ROBO2: variants seen among roughly 807,000 people sequenced by gnomAD.
The protein encoded by ROBO2 is roundabout homolog 2.
A neutral mutation model predicts 160.8 loss-of-function variants in ROBO2; 53 were observed. The observed-to-expected ratio is 0.33, with a 90% confidence interval of 0.26 to 0.41. ROBO2 has a LOEUF of 0.41. Ranked by LOEUF, ROBO2 falls within the 10% of genes least tolerant of loss-of-function variation. ROBO2 has a pLI of 1.00. For missense variants in ROBO2, 1,577 were observed against 1,722.4 expected (o/e 0.92, Z 1.49); for synonymous variants, 664 against 611.7 (o/e 1.09, Z -1.26).
chr3:77,626,211 T>C (rs2095021862), intron 23 of ROBO2, among the ~76,000 whole-genome samples: 1 of 152,200 alleles, frequency 6.6e-6, no homozygotes, highest in South Asian at 2.1e-4. Flanking sequence ...CAACATATAA[T>C]TTTCTCTCTC....
At chr3:77,589,580 G>C (rs1182438742) in intron 17 of ROBO2, among the ~76,000 whole-genome samples, 1 of 152,062 alleles carries the variant, frequency 6.6e-6, no homozygotes, top group Admixed American at 6.6e-5. Flanking sequence ...ACCCTAGATG[G>C]TCTACATCTT....
At chr3:77,631,126 G>A (rs1022004548) in intron 23 of ROBO2, 1 of 151,634 alleles carries the variant, frequency 6.6e-6, no homozygotes, top group African/African-American at 2.4e-5. Context: ...CTGTGTCAAG[G>A]GAATTTGTTT....
chr3:76,691,730 G>A lies in ROBO2; in HGVS notation c.110-406284G>A, dbSNP rs77873210. Among the ~76,000 whole-genome samples, 254 of 152,220 alleles carry A rather than the reference G, an allele frequency of 1.7e-3. 11 individuals carry two copies. The South Asian group carries it at 0.034, about 21-fold the overall frequency. ...ATAAACAGAGAGAACAGAGTGACTT[G>A]CAGGTTGAAAGCAGGATCTAGAGTG... On this transcript the variant is annotated intron_variant, in intron 2 of 26. Coordinates refer to the ROBO2 transcript ENST00000487694.
intron 2 of ROBO2, among the ~76,000 whole-genome samples, chr3:77,012,731 T>C (rs1234876956): frequency 3.9e-5 from 6 of 152,200 alleles, no homozygotes; most frequent in African/African-American, 1.4e-4. Context: ...AAATTCAGGT[T>C]GTCAGACCCT....
intron 2 of ROBO2, among the ~76,000 whole-genome samples, chr3:76,135,732 T>G (rs1349716588): frequency 6.6e-6 from 1 of 152,186 alleles, no homozygotes; most frequent in East Asian, 1.9e-4. Context: ...TCAGGTCTCA[T>G]GACTTCAAAT....
chr3:76,863,043 C>T (rs1193845261), intron 2 of ROBO2, among the ~76,000 whole-genome samples: 5 of 152,046 alleles, frequency 3.3e-5, no homozygotes, highest in African/African-American at 7.2e-5. Flanking sequence ...AAAATCCTTC[C>T]TTAAATCTTT....
intron 2 of ROBO2, among the ~76,000 whole-genome samples, chr3:76,145,255 T>C (rs1355849712): frequency 6.6e-6 from 1 of 152,068 alleles, no homozygotes; most frequent in Non-Finnish European, 1.5e-5. Flanking sequence ...ATTTCTAAGC[T>C]CTGATAAATC....
chr3:77,018,968 C>T (rs2149495761), intron 2 of ROBO2, among the ~76,000 whole-genome samples: 1 of 152,224 alleles, frequency 6.6e-6, no homozygotes, highest in South Asian at 2.1e-4. Flanking sequence ...GAAAAAACAG[C>T]CCTCCCTGTC....
At chr3:76,321,242 G>C (rs1327318548) in intron 2 of ROBO2, among the ~76,000 whole-genome samples, 1 of 152,130 alleles carries the variant, frequency 6.6e-6, no homozygotes, top group African/African-American at 2.4e-5. Flanking sequence ...GCTAGGCCAG[G>C]CGTGGTGGCT....
chr3:76,271,582 T>C (rs1707434514), intron 2 of ROBO2, among the ~76,000 whole-genome samples: 1 of 151,212 alleles, frequency 6.6e-6, no homozygotes, highest in South Asian at 2.1e-4. Flanking sequence ...AATAAACTAA[T>C]TTATATTAAC....
chr3:77,591,971 T>G (rs2094191512), intron 17 of ROBO2, among the ~76,000 whole-genome samples: 1 of 152,226 alleles, frequency 6.6e-6, no homozygotes, highest in African/African-American at 2.4e-5. Flanking sequence ...TTCATAGTTA[T>G]TTGTAGTCTG....
intron 2 of ROBO2, among the ~76,000 whole-genome samples, chr3:76,994,088 TTG>T (rs2060848752): frequency 9.7e-6 from 1 of 102,896 alleles, no homozygotes; most frequent in Non-Finnish European, 1.9e-5. Context: ...TGTGCTTTTT[TTG>T]TTTTTTTTTT....
exon 3 of ROBO2, chr3:77,477,419 C>G (rs1308248520): frequency 6.3e-7 from 1 of 1,599,570 alleles, no homozygotes; most frequent in East Asian, 2.3e-5. Flanking sequence ...CTCAGTGTTA[C>G]GAGATGACTT....
intron 2 of ROBO2, among the ~76,000 whole-genome samples, chr3:76,674,879 G>A (rs1038986971): frequency 1.3e-5 from 2 of 151,702 alleles, no homozygotes; most frequent in African/African-American, 2.4e-5. Flanking sequence ...ACCATGTGGC[G>A]AAGTTTAAAT....
intron 2 of ROBO2, among the ~76,000 whole-genome samples, chr3:76,521,170 T>A (rs2081596187): frequency 6.7e-6 from 1 of 148,842 alleles, no homozygotes; most frequent in Non-Finnish European, 1.5e-5. Context: ...CACCTCAGCC[T>A]ACCAAGTAGT....
At position 76,748,497 on chromosome 3, in the gene ROBO2, A is replaced by T. The variant is rs561771741; in HGVS notation, c.110-349517A>T. On this transcript the variant is annotated intron_variant, in intron 2 of 26. Transcript: ENST00000487694. ...ATATGTAATTCATATAATATACCTG[A>T]TGTATAAAAAGTTTTAAGGATTGAT... is the stretch of plus-strand genomic sequence containing the variant. 4.6e-5 allele frequency among the ~76,000 whole-genome samples: 7 copies of T among 151,798 alleles called. No individual in the cohort carries two copies. In the South Asian group the frequency reaches 1.5e-3, roughly 31 times the overall value.
At chr3:76,346,385 T>C (rs1025203042) in intron 2 of ROBO2, among the ~76,000 whole-genome samples, 1 of 152,092 alleles carries the variant, frequency 6.6e-6, no homozygotes, top group African/African-American at 2.4e-5. Context: ...TTAGAAAGCA[T>C]TGACGGTAAG....
At chr3:77,602,002 C>T (rs562657223) in intron 19 of ROBO2, among the ~76,000 whole-genome samples, 11 of 152,274 alleles carry the variant, frequency 7.2e-5, no homozygotes, top group African/African-American at 9.6e-5. Flanking sequence ...AGCAGTGAGA[C>T]GTGAAGGGCG....
At chr3:77,435,785 G>A (rs1208388326) in intron 2 of ROBO2, among the ~76,000 whole-genome samples, 1 of 151,616 alleles carries the variant, frequency 6.6e-6, no homozygotes. Context: ...GAAAGAAACA[G>A]GGTATCCAAG....
Sources: gnomAD v4.1 joint callset for allele counts (sites outside exome capture counted in the v4.1 genomes callset) on GRCh38, gnomAD v4.1.1 for gene constraint, MANE v1.5 for transcripts, NCBI Gene and HGNC (gene_info 2026-07-23, HGNC 2026-07-21) for gene names.